FETUB: variants seen among roughly 807,000 people sequenced by gnomAD.
FETUB encodes the protein fetuin-B.
A neutral mutation model predicts 30.9 loss-of-function variants in FETUB; 28 were observed. That is an observed-to-expected ratio of 0.90 (90% CI 0.67 to 1.24). The LOEUF (loss-of-function observed/expected upper bound fraction) is 1.24, where lower values mean the gene tolerates loss of function less well. Among genes scored for constraint, FETUB ranks in the 50% most tolerant of loss-of-function variants. FETUB has a pLI of 0.00. For synonymous variants in FETUB, 186 were observed against 175.9 expected (o/e 1.06, Z -0.45); for missense variants, 469 against 455.3 (o/e 1.03, Z -0.27).
At chr3:186,640,784 T>C (rs1716982044) in intron 1 of FETUB, 99 bp downstream of exon 1, 3 of 995,874 alleles carry the variant, frequency 3.0e-6, no homozygotes, top group Admixed American at 1.7e-5. Context: ...AGGTGTTTTC[T>C]GTATTGGAAG....
At chr3:186,637,450 G>A (rs146903137), upstream of FETUB, among the ~76,000 whole-genome samples, 6 of 152,248 alleles carry the variant, frequency 3.9e-5, no homozygotes, top group Middle Eastern at 3.4e-3. Flanking sequence ...GCCTAATCAC[G>A]TGTGCTGTGT....
At chr3:186,650,620 AT>A (rs1717948118) in intron 5 of FETUB, among the ~76,000 whole-genome samples, 1 of 152,170 alleles carries the variant, frequency 6.6e-6, no homozygotes, top group Non-Finnish European at 1.5e-5. Context: ...ATATGACTCT[AT>A]TTTGTAGAAG....
chr3:186,645,417 G>C (rs557027443), intron 4 of FETUB, among the ~76,000 whole-genome samples: 1 of 151,890 alleles, frequency 6.6e-6, no homozygotes. Context: ...CTGTCACCCA[G>C]GGTGGACTCA....
rs138412370 is a variant in FETUB, at chr3:186,646,009, G to A, written c.595-239G>A. ...CAAAGTGCTGGGATTACAGGCGTAA[G>A]CCACCGTGCCCAGCCTCAAATCTTA... On this transcript the variant is annotated intron_variant, in intron 4 of 6. Coordinates refer to ENST00000265029, the MANE Select transcript of FETUB (RefSeq NM_014375.3). Among the ~76,000 whole-genome samples the A allele has an allele frequency of 2.0e-4, 30 of 152,342 alleles. No individual in the cohort carries two copies. In the East Asian group the frequency reaches 5.8e-3, roughly 29 times the overall value.
At chr3:186,649,762 C>T (rs924840294) in intron 5 of FETUB, among the ~76,000 whole-genome samples, 12 of 152,196 alleles carry the variant, frequency 7.9e-5, no homozygotes, top group South Asian at 2.1e-4. Flanking sequence ...TGAGCCACTG[C>T]GCCCAGCTCA....
chr3:186,641,270 GC>G, intron 2 of FETUB, 130 bp downstream of exon 2: 1 of 640,784 alleles, frequency 1.6e-6, no homozygotes, highest in Non-Finnish European at 2.8e-6. Context: ...CCTGGCAGGT[GC>G]CCATAAGCTT....
chr3:186,636,439 T>G (rs1161573179), upstream of FETUB, among the ~76,000 whole-genome samples: 1 of 152,220 alleles, frequency 6.6e-6, no homozygotes, highest in African/African-American at 2.4e-5. Context: ...GAGCTGGGAT[T>G]TGAACCCCTG....
At chr3:186,640,273 GTTAGAA>G (rs934020072), upstream of FETUB, 4 of 609,722 alleles carry the variant, frequency 6.6e-6, no homozygotes, top group African/African-American at 7.4e-5. Flanking sequence ...AGGGTCTAAG[GTTAGAA>G]TCATTGGGAA....
At chr3:186,644,401 C>A (rs774361607) in intron 3 of FETUB, among the ~76,000 whole-genome samples, 2 of 152,118 alleles carry the variant, frequency 1.3e-5, no homozygotes, top group Non-Finnish European at 2.9e-5. Context: ...TAAGATATTG[C>A]GGTAATGAAA....
intron 5 of FETUB, among the ~76,000 whole-genome samples, chr3:186,647,809 C>T (rs150795192): frequency 1.3e-4 from 20 of 152,104 alleles, no homozygotes; most frequent in African/African-American, 4.3e-4. Context: ...TTCTTGACAA[C>T]GTTCTTTGAA....
chr3:186,644,058 T>A (rs865987682), intron 3 of FETUB, among the ~76,000 whole-genome samples: 1 of 152,370 alleles, frequency 6.6e-6, no homozygotes, highest in Middle Eastern at 3.4e-3. Context: ...ATATATATAC[T>A]GTATTGTGAT....
intron 3 of FETUB, among the ~76,000 whole-genome samples, chr3:186,643,725 G>A (rs1338017388): frequency 6.6e-6 from 1 of 152,190 alleles, no homozygotes; most frequent in Non-Finnish European, 1.5e-5. Context: ...ACAAGCTGTA[G>A]CTGGAAGTCC....
upstream of FETUB, among the ~76,000 whole-genome samples, chr3:186,637,366 C>T (rs1383890422): frequency 6.6e-6 from 1 of 152,174 alleles, no homozygotes; most frequent in Non-Finnish European, 1.5e-5. Context: ...CCATGGCTGC[C>T]GTCCAGTTTT....
At chr3:186,651,331 T>C (rs993791096) in intron 6 of FETUB, 30 bp downstream of exon 6, 1 of 1,425,232 alleles carries the variant, frequency 7.0e-7, no homozygotes, top group Non-Finnish European at 9.9e-7. Flanking sequence ...CCTGTCTTTC[T>C]GTGAAGAAGA....
At chr3:186,649,301 C>T (rs1453243358) in intron 5 of FETUB, among the ~76,000 whole-genome samples, 1 of 152,102 alleles carries the variant, frequency 6.6e-6, no homozygotes, top group Non-Finnish European at 1.5e-5. Context: ...AGCTGAGTGA[C>T]AAAGTAATAT....
chr3:186,638,546 C>G (rs942351375), upstream of FETUB, among the ~76,000 whole-genome samples: 2 of 152,164 alleles, frequency 1.3e-5, no homozygotes, highest in African/African-American at 4.8e-5. Context: ...TGCTTCCTCT[C>G]CCAGGGCTCC....
At chr3:186,640,893 G>T (rs1323374669) in intron 1 of FETUB, 137 bp from the exon 2 acceptor site, 8 of 677,496 alleles carry the variant, frequency 1.2e-5, no homozygotes, top group Non-Finnish European at 1.5e-5. Context: ...TCTGACACTT[G>T]TGTCAGATTT....
chr3:186,650,197 T>C (rs1207304155), intron 5 of FETUB, among the ~76,000 whole-genome samples: 3 of 144,926 alleles, frequency 2.1e-5, no homozygotes, highest in African/African-American at 7.5e-5. Flanking sequence ...TCACCAGCTG[T>C]GGGATTGCTG....
chr3:186,644,031 T>C (rs1427391962), intron 3 of FETUB, among the ~76,000 whole-genome samples: 1 of 152,268 alleles, frequency 6.6e-6, no homozygotes, highest in African/African-American at 2.4e-5. Flanking sequence ...ATTTATGGCA[T>C]ATATAGTGAT....
Sources: allele counts gnomAD v4.1 joint callset (sites outside exome capture counted in the v4.1 genomes callset), GRCh38; gene constraint gnomAD v4.1.1; transcripts MANE v1.5; gene names NCBI Gene and HGNC (gene_info 2026-07-23, HGNC 2026-07-21).